The following CDH26 variants were observed in gnomAD, a reference collection of about 807,000 sequenced individuals.
The protein encoded by CDH26 is cadherin 26.
Under a neutral mutation model 90.3 loss-of-function variants are expected in CDH26, and 83 were observed. The ratio of observed to expected loss-of-function variants is 0.92; its 90% confidence interval spans 0.77 to 1.10. The LOEUF (loss-of-function observed/expected upper bound fraction) is 1.10. Among genes scored for constraint, CDH26 ranks in the 50% least tolerant of loss-of-function variants. The pLI is 0.00. For synonymous variants in CDH26, 397 were observed against 396.3 expected, an observed-to-expected ratio of 1.00 and a Z score of -0.02; for missense variants, 1,013 against 1,037.6, an observed-to-expected ratio of 0.98 and a Z score of 0.33.
At chr20:59,971,681 G>C (rs973235198) in intron 3 of CDH26, among the ~76,000 whole-genome samples, 2 of 152,186 alleles carry the variant, frequency 1.3e-5, no homozygotes, top group Non-Finnish European at 2.9e-5. Context: ...AGGCTACAGA[G>C]TATCCCATGC....
At chr20:59,990,736 CTGGTGCACAG>C (rs1414045900) in intron 9 of CDH26, among the ~76,000 whole-genome samples, 1 of 152,210 alleles carries the variant, frequency 6.6e-6, no homozygotes, top group Non-Finnish European at 1.5e-5. Flanking sequence ...CAGACCCCTT[CTGGTGCACAG>C]TGGTGCACCT....
At position 60,013,880 on chromosome 20, in the gene CDH26, A is replaced by G. The variant is rs896150582; in HGVS notation, c.*1150A>G. 6.6e-6 allele frequency: 1 copy of G among 152,208 alleles called. No individual in the cohort carries two copies. Among genetic ancestry groups the G allele is most frequent in the Non-Finnish European group, 1.5e-5 (1 of 68,042 alleles). The allele number at this position is 152,208 out of a possible 1,614,324, so 9.4% of individuals were successfully genotyped here. On this transcript the variant is annotated 3_prime_UTR_variant, in exon 18 of 18. Coordinates refer to ENST00000348616, the MANE Select transcript of CDH26 (RefSeq NM_177980.4). The stretch of plus-strand genomic sequence containing the variant: ...GTCTTCCTCTGCTTTGGGAAGCTGA[A>G]AAAGAAGAAAAATCACATTTAAAGC...
At chr20:60,021,174 G>A (rs1029477750) in intron 7 of CDH26, among the ~76,000 whole-genome samples, 2 of 152,234 alleles carry the variant, frequency 1.3e-5, no homozygotes, top group Non-Finnish European at 2.9e-5. Context: ...CCATCTTGCT[G>A]ATGTCACTCC....
downstream of CDH26, among the ~76,000 whole-genome samples, chr20:60,018,598 G>A (rs2061925192): frequency 6.6e-6 from 1 of 151,278 alleles, no homozygotes; most frequent in South Asian, 2.1e-4. Context: ...CTGATTCAAG[G>A]TTATTATGGA....
chr20:60,034,180 G>GT (rs1018591541), downstream of CDH26, among the ~76,000 whole-genome samples: 27 of 152,288 alleles, frequency 1.8e-4, no homozygotes, highest in African/African-American at 6.3e-4. Flanking sequence ...GACAGAGAGT[G>GT]TCTCCCTGCA....
chr20:59,970,058 C>G, intron 2 of CDH26, 24 bp from the exon 3 acceptor site: 1 of 1,606,402 alleles, frequency 6.2e-7, no homozygotes. Flanking sequence ...TCCTCATTGT[C>G]ACCAGTGTCA....
At chr20:59,979,678 G>A (rs1210279084) in intron 4 of CDH26, among the ~76,000 whole-genome samples, 1 of 128,420 alleles carries the variant, frequency 7.8e-6, no homozygotes, top group Non-Finnish European at 1.5e-5. Flanking sequence ...CCAGGCTGGA[G>A]AGCAATGGTG....
Position 59,989,164 on chromosome 20 carries a change from G to C in CDH26, c.1283+1G>C. 1 of 1,613,824 alleles carries C rather than the reference G, an allele frequency of 6.2e-7. No homozygotes were observed. Among genetic ancestry groups the C allele is most frequent in the Non-Finnish European group, 8.5e-7 (1 of 1,179,732 alleles). On this transcript the variant is annotated splice_donor_variant, in intron 9 of 17. Coordinates refer to ENST00000348616, the MANE Select transcript of CDH26 (RefSeq NM_177980.4). LOFTEE classifies it high-confidence loss of function. ...CCATGGATCCAGACAGCCAGATAAG[G>C]TGAGAAGAGAGGGCCAAGAAGGGCG...
In CDH26 at chr20:59,988,900, C is replaced by T. The variant is rs920800918; in HGVS notation, c.1024-4C>T. 2 of 1,613,050 alleles carry T rather than the reference C, an allele frequency of 1.2e-6. No homozygotes were observed. Among genetic ancestry groups the T allele is most frequent in the Non-Finnish European group, 1.7e-6 (2 of 1,179,346 alleles). On this transcript the variant is annotated splice_region_variant and splice_polypyrimidine_tract_variant and intron_variant, in intron 8 of 17. Transcript: ENST00000348616. ...CTAATGAAATCCTCTCTCTGGGGTTCCAGCCTTTGGATTATGAGACTCGCC... is the reference window on the plus strand; with the variant it reads ...CTAATGAAATCCTCTCTCTGGGGTTTCAGCCTTTGGATTATGAGACTCGCC...
Position 59,970,107 on chromosome 20 carries a change from G to T in CDH26, c.152G>T (p.Arg51Leu), listed in dbSNP as rs554586698. The T allele has an allele frequency of 6.2e-7, 1 of 1,613,950 alleles. No homozygotes were observed. The highest frequency in any genetic ancestry group is 8.5e-7 in the Non-Finnish European group (1 of 1,179,924). The change falls in exon 3 of 18, where the codon CGA (arginine) becomes CTA (leucine). Residue 51 changes from arginine to leucine, a missense_variant. Arg to Leu is a moderately radical substitution (Grantham distance 102). Transcript: ENST00000348616. Reference sequence around the variant, plus strand: ...GAAAAGATCTACCAGCCTCTACGGCGATCCAAGAGAAGATGGGTTATCACC... The same window carrying T: ...GAAAAGATCTACCAGCCTCTACGGCTATCCAAGAGAAGATGGGTTATCACC... ...TKEKIYQPLR[R>L]SKRRWVITTL... is the part of the protein sequence containing the mutation.
At chr20:60,000,380 A>G (rs530532853) in intron 14 of CDH26, among the ~76,000 whole-genome samples, 2 of 152,372 alleles carry the variant, frequency 1.3e-5, no homozygotes, top group Admixed American at 6.5e-5. Context: ...CAGGATTGCC[A>G]TAAATGAGCA....
chr20:59,983,775 G>T (rs767540889), intron 5 of CDH26, among the ~76,000 whole-genome samples: 5 of 151,926 alleles, frequency 3.3e-5, no homozygotes, highest in Non-Finnish European at 1.5e-5. Context: ...TTGTATATGC[G>T]TATATGGTAA....
chr20:59,976,818 G>A (rs2061333437), intron 4 of CDH26, among the ~76,000 whole-genome samples: 1 of 152,064 alleles, frequency 6.6e-6, no homozygotes, highest in African/African-American at 2.4e-5. Context: ...TGAGCCACAA[G>A]TCTGCAGGGA....
At chr20:59,978,138 A>G (rs2061348739) in intron 4 of CDH26, among the ~76,000 whole-genome samples, 1 of 152,030 alleles carries the variant, frequency 6.6e-6, no homozygotes, top group Non-Finnish European at 1.5e-5. Flanking sequence ...TTACCTATTC[A>G]CCTACTGAGA....
At chr20:60,022,290 A>G (rs1020434975) in intron 7 of CDH26, among the ~76,000 whole-genome samples, 1 of 152,220 alleles carries the variant, frequency 6.6e-6, no homozygotes, top group African/African-American at 2.4e-5. Context: ...AATAGTAAAT[A>G]TTTTCAGAGA....
chr20:59,976,958 C>T (rs914297142), intron 4 of CDH26, among the ~76,000 whole-genome samples: 1 of 152,146 alleles, frequency 6.6e-6, no homozygotes, highest in African/African-American at 2.4e-5. Context: ...GCCACCGACC[C>T]TGGGCACTGA....
intron 7 of CDH26, among the ~76,000 whole-genome samples, chr20:60,028,910 C>T (rs570583475): frequency 3.3e-4 from 50 of 152,096 alleles, no homozygotes; most frequent in Non-Finnish European, 6.0e-4. Flanking sequence ...ATTCACGGTC[C>T]CCATGGTGTG....
At chr20:60,018,053 T>C (rs530262694), downstream of CDH26, among the ~76,000 whole-genome samples, 6 of 152,186 alleles carry the variant, frequency 3.9e-5, no homozygotes, top group South Asian at 1.2e-3. Context: ...GAAAGTTACA[T>C]GTGCTGATGA....
intron 3 of CDH26, 42 bp downstream of exon 3, chr20:59,970,228 T>C: frequency 4.4e-6 from 7 of 1,603,500 alleles, no homozygotes; most frequent in Non-Finnish European, 6.0e-6. Context: ...TCATGCCCTC[T>C]AAGTAAGCAC....
Sources: gnomAD v4.1 joint callset for allele counts (sites outside exome capture counted in the v4.1 genomes callset) on GRCh38, gnomAD v4.1.1 for gene constraint, MANE v1.5 for transcripts, NCBI Gene and HGNC (gene_info 2026-07-23, HGNC 2026-07-21) for gene names.